Variants in GRIN2B observed in about 807,000 individuals in gnomAD.
The protein encoded by GRIN2B is glutamate receptor ionotropic, NMDA 2B.
Under a neutral mutation model 114.5 loss-of-function variants are expected in GRIN2B, and 5 were observed. The observed-to-expected ratio is 0.04, with a 90% CI of 0.02 to 0.09. The LOEUF is 0.09. GRIN2B is among the 10% of genes least tolerant of loss of function. The pLI is 1.00. For missense variants in GRIN2B, 1,108 were observed against 1,943.5 expected (o/e 0.57, Z 8.08); for synonymous variants, 787 against 745.1 (o/e 1.06, Z -0.92).
chr12:13,717,064 C>T (rs968652931), intron 4 of GRIN2B, among the ~76,000 whole-genome samples: 41 of 61,932 alleles, frequency 6.6e-4, no homozygotes, highest in African/African-American at 2.2e-3. Flanking sequence ...TCATGCCATA[C>T]GCGTGTGTGT....
intron 12 of GRIN2B, among the ~76,000 whole-genome samples, chr12:13,568,760 T>C (rs566834780): frequency 6.6e-6 from 1 of 152,350 alleles, no homozygotes; most frequent in South Asian, 2.1e-4. Context: ...TCTGTAATGC[T>C]AACAGAAACA....
At chr12:13,934,324 C>T (rs900335611) in intron 2 of GRIN2B, among the ~76,000 whole-genome samples, 1 of 152,182 alleles carries the variant, frequency 6.6e-6, no homozygotes, top group Non-Finnish European at 1.5e-5. Flanking sequence ...GCCATTGACT[C>T]TTGTCCTTAG....
chr12:13,959,919 G>A (rs924745386), intron 2 of GRIN2B, among the ~76,000 whole-genome samples: 4 of 152,030 alleles, frequency 2.6e-5, no homozygotes, highest in Non-Finnish European at 5.9e-5. Flanking sequence ...CTGAAACCAG[G>A]TGAGAAAATG....
In GRIN2B at chr12:13,692,760, C is replaced by CTTTCTTTTTTTTTTTTTTTTTTTTTT. The variant is rs1427827056; in HGVS notation, c.1011-16902_1011-16901insAAAAAAAAAAAAAAAAAAAAAAGAAA. 2.0e-3 allele frequency among the ~76,000 whole-genome samples: 102 copies of CTTTCTTTTTTTTTTTTTTTTTTTTTT among 52,086 alleles called. 12 individuals are homozygous for CTTTCTTTTTTTTTTTTTTTTTTTTTT. Among genetic ancestry groups the CTTTCTTTTTTTTTTTTTTTTTTTTTT allele is most frequent in the African/African-American group, 2.5e-3 (26 of 10,548 alleles). The allele number at this position is 52,086 out of a possible 152,430, so 34.2% of individuals were successfully genotyped here. On this transcript the variant is annotated intron_variant, in intron 4 of 13. Transcript: ENST00000609686. ...ACTTATTTTCATTAATCTTTCTTTT[C>CTTTCTTTTTTTTTTTTTTTTTTTTTT]TTTTTTTTTTTTTTTTTTTTTTTTT...
intron 2 of GRIN2B, among the ~76,000 whole-genome samples, chr12:13,969,278 G>A (rs182937138): frequency 9.1e-4 from 138 of 151,962 alleles, no homozygotes; most frequent in African/African-American, 3.3e-3. Context: ...TCCAAGTACA[G>A]GCTGTTTATG....
At chr12:13,955,621 T>C (rs1867575152) in intron 2 of GRIN2B, among the ~76,000 whole-genome samples, 1 of 152,136 alleles carries the variant, frequency 6.6e-6, no homozygotes. Context: ...CCAAATAATT[T>C]TGAGATGAAA....
At position 13,548,106 on chromosome 12, in the gene GRIN2B, CA is replaced by C. The variant is rs1948369094; in HGVS notation, c.*14676del. 6.6e-6 allele frequency: 1 copy of C among 150,966 alleles called. No homozygotes were observed. The highest frequency in any genetic ancestry group is 6.6e-5 in the Admixed American group (1 of 15,102). 9.4% of individuals were successfully genotyped at this position (150,966 alleles called of 1,614,324 possible). ...CAAAACCATCAGAGGAATTACATTC[CA>C]CCCCTAGGCTCAGTGGGAAAGAGTT... On this transcript the variant is annotated 3_prime_UTR_variant, in exon 14 of 14. Transcript: ENST00000609686.
At chr12:13,594,027 G>A (rs941375386) in intron 10 of GRIN2B, among the ~76,000 whole-genome samples, 3 of 152,324 alleles carry the variant, frequency 2.0e-5, no homozygotes, top group Non-Finnish European at 2.9e-5. Context: ...GGAAACAACA[G>A]ATGCTGGAGA....
Position 13,832,747 on chromosome 12 carries a change from C to T in GRIN2B, c.411+33051G>A, listed in dbSNP as rs575375990. 2.6e-5 allele frequency among the ~76,000 whole-genome samples: 4 copies of T among 152,252 alleles called. No individual in the cohort carries two copies. In the South Asian group the frequency reaches 6.2e-4, roughly 24 times the overall value. On this transcript the variant is annotated intron_variant, in intron 3 of 13. Coordinates refer to ENST00000609686, the MANE Select transcript of GRIN2B (RefSeq NM_000834.5). ...TGTTTCAAATTACTCACCGTGATAA[C>T]TAATGCTATGATGACCACCTTTCAA...
intron 5 of GRIN2B, among the ~76,000 whole-genome samples, chr12:13,635,243 C>G (rs1012566785): frequency 8.5e-5 from 13 of 152,164 alleles, no homozygotes; most frequent in African/African-American, 3.1e-4. Flanking sequence ...GAGGAAACCT[C>G]TTCACACTGA....
chr12:13,611,299 A>G (rs934598708), intron 9 of GRIN2B, among the ~76,000 whole-genome samples: 1 of 151,972 alleles, frequency 6.6e-6, no homozygotes, highest in African/African-American at 2.4e-5. Context: ...GGGGAACTCA[A>G]CCAGCCACAA....
chr12:13,588,463 A>C (rs140578936), intron 10 of GRIN2B, among the ~76,000 whole-genome samples: 2 of 152,296 alleles, frequency 1.3e-5, no homozygotes, highest in African/African-American at 4.8e-5. Context: ...ATCAAATTGG[A>C]TTGGATGGAT....
intron 3 of GRIN2B, among the ~76,000 whole-genome samples, chr12:13,758,999 T>G (rs73300369): frequency 0.028 from 500 of 17,782 alleles, 6 homozygotes; most frequent in South Asian, 0.045. Flanking sequence ...TCTAGTTCAA[T>G]TTTTTTTTTT....
intron 3 of GRIN2B, among the ~76,000 whole-genome samples, chr12:13,818,839 T>A (rs1181813320): frequency 6.6e-6 from 1 of 152,122 alleles, no homozygotes; most frequent in Non-Finnish European, 1.5e-5. Context: ...GGCAGACAAA[T>A]CATCATACAG....
In GRIN2B at chr12:13,844,764, T is replaced by C. The variant is rs112241187; in HGVS notation, c.411+21034A>G. On this transcript the variant is annotated intron_variant, in intron 3 of 13. Transcript: ENST00000609686. ...TATCTTCACTTTTCAGAGAGAGAAT[T>C]TGAGATGCAGTTTCCCATACTGCAC... Among the ~76,000 whole-genome samples, 1,150 of 152,280 alleles carry C rather than the reference T, an allele frequency of 7.6e-3. 15 individuals carry two copies. Among genetic ancestry groups the C allele is most frequent in the African/African-American group, 0.026 (1,086 of 41,560 alleles).
chr12:13,884,053 G>C (rs1452019905), intron 2 of GRIN2B, among the ~76,000 whole-genome samples: 1 of 152,018 alleles, frequency 6.6e-6, no homozygotes, highest in Non-Finnish European at 1.5e-5. Context: ...TCATTTTCTG[G>C]AAAGACTGCC....
chr12:13,856,055 A>G (rs1441570427), intron 3 of GRIN2B, among the ~76,000 whole-genome samples: 1 of 152,248 alleles, frequency 6.6e-6, no homozygotes, highest in African/African-American at 2.4e-5. Flanking sequence ...CAGGTGACGC[A>G]CAAGAAAAGA....
chr12:13,907,902 G>A (rs942692571), intron 2 of GRIN2B, among the ~76,000 whole-genome samples: 1 of 152,070 alleles, frequency 6.6e-6, no homozygotes, highest in Admixed American at 6.6e-5. Context: ...TTAAAAGAGT[G>A]TCCATGAATG....
chr12:13,717,065 G>T (rs979999912), intron 4 of GRIN2B, among the ~76,000 whole-genome samples: 1 of 82,230 alleles, frequency 1.2e-5, no homozygotes, highest in South Asian at 4.9e-4. Flanking sequence ...CATGCCATAC[G>T]CGTGTGTGTG....
Sources: gnomAD v4.1 joint callset for allele counts (sites outside exome capture counted in the v4.1 genomes callset) on GRCh38, gnomAD v4.1.1 for gene constraint, MANE v1.5 for transcripts, NCBI Gene and HGNC (gene_info 2026-07-23, HGNC 2026-07-21) for gene names.